Variants in CXCL13 observed in about 807,000 individuals in gnomAD.
CXCL13 encodes the protein C-X-C motif chemokine 13.
In CXCL13, 7 loss-of-function variants were observed where a neutral mutation model predicts 12.2. The ratio of observed to expected loss-of-function variants is 0.57; its 90% CI spans 0.33 to 1.07. The LOEUF is 1.07. Among genes scored for constraint, CXCL13 ranks in the 50% least tolerant of loss-of-function variants. The pLI is 0.04. For missense variants in CXCL13, 113 were observed against 127.4 expected, an observed-to-expected ratio of 0.89 and a Z score of 0.55; for synonymous variants, 47 against 42.4, an observed-to-expected ratio of 1.11 and a Z score of -0.42.
chr4:77,591,261 A>G (rs2109830926), intron 1 of CXCL13, among the ~76,000 whole-genome samples: 1 of 152,292 alleles, frequency 6.6e-6, no homozygotes, highest in African/African-American at 2.4e-5. Context: ...CATATTAAAA[A>G]TGTTTCTCAG....
intron 1 of CXCL13, among the ~76,000 whole-genome samples, chr4:77,535,132 C>T (rs1207343517): frequency 6.6e-6 from 1 of 152,186 alleles, no homozygotes; most frequent in Non-Finnish European, 1.5e-5. Context: ...CAGACACACA[C>T]AATTTGATCA....
At chr4:77,553,808 G>C (rs1014101730) in intron 1 of CXCL13, among the ~76,000 whole-genome samples, 1 of 151,980 alleles carries the variant, frequency 6.6e-6, no homozygotes, top group Non-Finnish European at 1.5e-5. Flanking sequence ...CCACCATCTT[G>C]GAAAAAATAA....
intron 1 of CXCL13, among the ~76,000 whole-genome samples, chr4:77,533,748 C>A (rs1035229251): frequency 1.3e-5 from 2 of 152,186 alleles, no homozygotes; most frequent in Non-Finnish European, 2.9e-5. Flanking sequence ...CACCCCTCCC[C>A]CAGCCTCGCT....
chr4:77,605,119 A>T (rs1028542192), upstream of CXCL13, among the ~76,000 whole-genome samples: 2 of 152,140 alleles, frequency 1.3e-5, no homozygotes, highest in African/African-American at 4.8e-5. Flanking sequence ...TCTCAAGCTC[A>T]TGGACTTGCA....
intron 1 of CXCL13, among the ~76,000 whole-genome samples, chr4:77,516,917 C>A (rs1191410363): frequency 1.3e-5 from 2 of 152,096 alleles, no homozygotes; most frequent in Non-Finnish European, 2.9e-5. Context: ...AATTTTGGAT[C>A]TTTCCTGCTT....
At chr4:77,532,045 C>G (rs1450504542) in intron 1 of CXCL13, among the ~76,000 whole-genome samples, 4 of 152,298 alleles carry the variant, frequency 2.6e-5, no homozygotes, top group Middle Eastern at 3.4e-3. Context: ...AGCCCATTTA[C>G]ATTTAAGGTT....
At chr4:77,515,954 T>C (rs904068771) in intron 1 of CXCL13, among the ~76,000 whole-genome samples, 1 of 152,226 alleles carries the variant, frequency 6.6e-6, no homozygotes, top group Non-Finnish European at 1.5e-5. Flanking sequence ...TTGTCATAGA[T>C]AGCTCTTATT....
chr4:77,544,640 A>C (rs1185880429), intron 1 of CXCL13, among the ~76,000 whole-genome samples: 1 of 152,028 alleles, frequency 6.6e-6, no homozygotes, highest in East Asian at 1.9e-4. Context: ...TAGATTCTGG[A>C]TATTAGCCCT....
At chr4:77,517,668 TCCTCCATC>T (rs991813772) in intron 1 of CXCL13, among the ~76,000 whole-genome samples, 3 of 152,224 alleles carry the variant, frequency 2.0e-5, no homozygotes, top group African/African-American at 7.2e-5. Context: ...TGGTAGATCT[TCCTCCATC>T]CCTTTATTTT....
Position 77,516,852 on chromosome 4 carries a change from T to C in CXCL13, c.-43+5064T>C, listed in dbSNP as rs559252298. ...AGTTATTTCTTACCTTCTGCTAGCT[T>C]TTGAATGTGTTTGCACTTGCTTTTC... On this transcript the variant is annotated intron_variant, in intron 1 of 4. Coordinates refer to the CXCL13 transcript ENST00000286758. 3.9e-5 allele frequency among the ~76,000 whole-genome samples: 6 copies of C among 152,316 alleles called. No individual in the cohort carries two copies. In the East Asian group the frequency reaches 9.6e-4, roughly 24 times the overall value.
intron 1 of CXCL13, among the ~76,000 whole-genome samples, chr4:77,595,937 T>C (rs923526103): frequency 1.3e-5 from 2 of 152,146 alleles, no homozygotes; most frequent in Admixed American, 6.5e-5. Context: ...TGTGATCACA[T>C]AGAGGCTCCT....
intron 1 of CXCL13, among the ~76,000 whole-genome samples, chr4:77,551,475 C>T (rs1361516042): frequency 1.3e-5 from 2 of 152,184 alleles, no homozygotes; most frequent in African/African-American, 4.8e-5. Context: ...TGTAAGGTTT[C>T]TGCTGGGAAG....
intron 1 of CXCL13, among the ~76,000 whole-genome samples, chr4:77,533,231 T>A (rs1332185492): frequency 6.6e-6 from 1 of 152,222 alleles, no homozygotes; most frequent in Non-Finnish European, 1.5e-5. Flanking sequence ...GTCCTTTGTG[T>A]TTGTTAGTTT....
At chr4:77,600,768 G>A (rs1490735926) in intron 1 of CXCL13, among the ~76,000 whole-genome samples, 1 of 152,152 alleles carries the variant, frequency 6.6e-6, no homozygotes, top group Non-Finnish European at 1.5e-5. Context: ...TCATGCCAGA[G>A]GACCAATATG....
At chr4:77,532,683 C>T (rs1264528597) in intron 1 of CXCL13, among the ~76,000 whole-genome samples, 3 of 152,298 alleles carry the variant, frequency 2.0e-5, no homozygotes, top group Middle Eastern at 3.4e-3. Flanking sequence ...TCAGGTACAC[C>T]AATCAGACGT....
upstream of CXCL13, among the ~76,000 whole-genome samples, chr4:77,603,161 A>AT (rs1164409760): frequency 2.6e-5 from 4 of 152,242 alleles, no homozygotes; most frequent in Non-Finnish European, 5.9e-5. Flanking sequence ...AGTATCACTC[A>AT]TTTTTTTGCT....
chr4:77,518,776 C>A (rs182747685), intron 1 of CXCL13, among the ~76,000 whole-genome samples: 5 of 152,182 alleles, frequency 3.3e-5, no homozygotes, highest in Non-Finnish European at 7.3e-5. Flanking sequence ...TTGTCTGAAG[C>A]CTTCTTCTCT....
At chr4:77,540,025 T>G (rs1283361841) in intron 1 of CXCL13, among the ~76,000 whole-genome samples, 2 of 152,206 alleles carry the variant, frequency 1.3e-5, no homozygotes, top group Non-Finnish European at 2.9e-5. Flanking sequence ...TGTATCAATC[T>G]TGATGAAGGA....
rs57099458 is a variant in CXCL13, at chr4:77,546,809, C to G, written c.-43+35021C>G. Among the ~76,000 whole-genome samples the G allele has an allele frequency of 4.4e-3, 666 of 152,230 alleles. 7 individuals carry two copies. Among genetic ancestry groups the G allele is most frequent in the African/African-American group, 0.015 (630 of 41,540 alleles). On this transcript the variant is annotated intron_variant, in intron 1 of 4. Transcript: ENST00000286758. ...TTTGAATGTGTTTGCTCTTGCTTCT[C>G]TAGTTCTTTTAATTGTGATGTTAGG...
Sources: allele counts gnomAD v4.1 joint callset (sites outside exome capture counted in the v4.1 genomes callset), GRCh38; gene constraint gnomAD v4.1.1; transcripts MANE v1.5; gene names NCBI Gene and HGNC (gene_info 2026-07-23, HGNC 2026-07-21).